Variants in GUCY2F observed in about 807,000 individuals in gnomAD.
GUCY2F encodes retinal guanylyl cyclase 2.
In GUCY2F, 61 loss-of-function variants were observed where a neutral mutation model predicts 73.1. The ratio of observed to expected loss-of-function variants is 0.83; its 90% CI spans 0.68 to 1.03. The LOEUF (loss-of-function observed/expected upper bound fraction) is 1.03. Among genes scored for constraint, GUCY2F ranks in the 50% least tolerant of loss-of-function variants. The pLI is 0.00. For synonymous variants in GUCY2F, 331 were observed against 307.8 expected, an observed-to-expected ratio of 1.08 and a Z score of -0.79; for missense variants, 912 against 854.3, an observed-to-expected ratio of 1.07 and a Z score of -0.84.
In GUCY2F at chrX:109,453,604, G is replaced by A; in HGVS notation, c.1288C>T (p.Leu430=). 1 of 1,206,848 alleles carries A rather than the reference G, an allele frequency of 8.3e-7. No homozygotes were observed. The highest frequency in any genetic ancestry group is 1.1e-6 in the Non-Finnish European group (1 of 891,212). ...STYTVDMEME[L]LRFGGTPIHF... is the part of the protein sequence containing the mutation. ...ATAGGGGTCCCTCCGAAACGTAGCA[G>A]CTCCATTTCCATGTCCACAGTGTAG... The change falls in exon 4 of 20, where the codon CTG becomes TTG. Residue 430 remains leucine (L), a synonymous_variant. Coordinates refer to ENST00000218006, the MANE Select transcript of GUCY2F (RefSeq NM_001522.3).
chrX:109,395,552 AG>A, intron 11 of GUCY2F, 63 bp from the exon 12 acceptor site: 1 of 1,008,947 alleles, frequency 9.9e-7, no homozygotes, highest in Non-Finnish European at 1.4e-6. Flanking sequence ...GATTTGGCAA[AG>A]ATAACTGACT....
chrX:109,391,507 C>A (rs1287972470), intron 14 of GUCY2F, among the ~76,000 whole-genome samples: 5 of 111,909 alleles, frequency 4.5e-5, no homozygotes, highest in African/African-American at 1.6e-4. Context: ...AAGATGAACT[C>A]TGTAGCAGTC....
Position 109,398,589 on chromosome X carries a change from G to C in GUCY2F, c.2235C>G (p.Val745=). ...SFAIIMQEVM[V]RGTPFCMMDL... ...CCATCATGCAGAATGGGGTACCCCGGACCATCACTTCTTGCATGATGATGG... is the reference window on the plus strand; with the variant it reads ...CCATCATGCAGAATGGGGTACCCCGCACCATCACTTCTTGCATGATGATGG... Residue 745 remains valine (V), a synonymous_variant, in exon 11 of 20, where the codon GTC becomes GTG. Transcript: ENST00000218006. 5 of 1,209,087 alleles carry C rather than the reference G, an allele frequency of 4.1e-6. No individual in the cohort carries two copies.
intron 7 of GUCY2F, among the ~76,000 whole-genome samples, chrX:109,433,257 G>A (rs756667197): frequency 4.5e-5 from 5 of 112,015 alleles, no homozygotes; most frequent in Admixed American, 1.9e-4. Context: ...TAAGTGCCAC[G>A]AGCAGCTAAG....
chrX:109,427,536 A>G (rs934996829), intron 8 of GUCY2F, among the ~76,000 whole-genome samples: 2 of 111,991 alleles, frequency 1.8e-5, no homozygotes, highest in African/African-American at 6.5e-5. Flanking sequence ...GCTCCTTTCT[A>G]TATCTGGCTC....
Position 109,414,224 on chromosome X carries a change from G to A in GUCY2F, c.1792-5056C>T, listed in dbSNP as rs773232296. 5.4e-5 allele frequency among the ~76,000 whole-genome samples: 6 copies of A among 111,667 alleles called. No individual in the cohort carries two copies. The South Asian group carries it at 2.3e-3, about 43-fold the overall frequency. On this transcript the variant is annotated intron_variant, in intron 8 of 19. Transcript: ENST00000218006. Reference sequence around the variant, plus strand: ...TGACCTCAGGTGAGCCGCCCACCTCGGCCTCCCAAAGTGCTGGGATTACAG... The same window carrying A: ...TGACCTCAGGTGAGCCGCCCACCTCAGCCTCCCAAAGTGCTGGGATTACAG...
intron 17 of GUCY2F, among the ~76,000 whole-genome samples, chrX:109,376,695 A>T (rs1930188665): frequency 8.9e-6 from 1 of 111,795 alleles, no homozygotes; most frequent in Non-Finnish European, 1.9e-5. Flanking sequence ...GTAAGACTCC[A>T]GGTTGGCCTC....
chrX:109,457,440 C>T (rs1295667727), intron 3 of GUCY2F, among the ~76,000 whole-genome samples: 2 of 111,912 alleles, frequency 1.8e-5, no homozygotes, highest in Non-Finnish European at 3.8e-5. Flanking sequence ...AAAAGTCAGG[C>T]ACATGCACAG....
In GUCY2F at chrX:109,391,976, C is replaced by T. The variant is rs763367582; in HGVS notation, c.2716G>A (p.Val906Met). The T allele has an allele frequency of 5.8e-6, 7 of 1,206,506 alleles. No homozygotes were observed. The highest frequency in any genetic ancestry group is 1.8e-5 in the South Asian group (1 of 56,721). Residue 906 changes from valine to methionine, a missense_variant, in exon 14 of 20, where the codon GTG becomes ATG. Coordinates refer to ENST00000218006, the MANE Select transcript of GUCY2F (RefSeq NM_001522.3). ...GTGTACAGGTCATTCAGAAGATCCA[C>T]GACCTCAATGGGCTCACTCATGGCT... ...ISAMSEPIEV[V>M]DLLNDLYTLF...
intron 6 of GUCY2F, among the ~76,000 whole-genome samples, chrX:109,444,538 C>G (rs1931953846): frequency 9.0e-6 from 1 of 111,660 alleles, no homozygotes; most frequent in South Asian, 3.7e-4. Context: ...TTTACTGTGG[C>G]CACATATACT....
intron 1 of GUCY2F, among the ~76,000 whole-genome samples, chrX:109,479,318 G>A (rs1029179925): frequency 1.8e-5 from 2 of 112,232 alleles, no homozygotes; most frequent in Non-Finnish European, 3.8e-5. Context: ...AAATAAATTA[G>A]AATACTAAGT....
At chrX:109,415,481 G>GAA (rs1430847013) in intron 8 of GUCY2F, among the ~76,000 whole-genome samples, 1 of 112,312 alleles carries the variant, frequency 8.9e-6, no homozygotes, top group African/African-American at 3.2e-5. Context: ...AAGTCTCACT[G>GAA]AAGAAATAGG....
intron 4 of GUCY2F, 34 bp from the exon 5 acceptor site, chrX:109,452,141 T>C (rs369915628): frequency 1.3e-6 from 1 of 762,111 alleles, no homozygotes; most frequent in Non-Finnish European, 2.1e-6. Context: ...AAGAATGGCA[T>C]TATCAGAGAG....
At chrX:109,379,652 C>G (rs1930256384) in intron 17 of GUCY2F, among the ~76,000 whole-genome samples, 1 of 112,324 alleles carries the variant, frequency 8.9e-6, no homozygotes, top group Non-Finnish European at 1.9e-5. Context: ...GCTGATAAGC[C>G]TAGATATATA....
Position 109,439,159 on chromosome X carries a change from G to C in GUCY2F, c.1701+2192C>G, listed in dbSNP as rs755453445. Among the ~76,000 whole-genome samples, 5 of 111,895 alleles carry C rather than the reference G, an allele frequency of 4.5e-5. No individual in the cohort carries two copies. In the South Asian group the frequency reaches 1.9e-3, roughly 43 times the overall value. On this transcript the variant is annotated intron_variant, in intron 7 of 19. Transcript: ENST00000218006. Reference sequence around the variant, plus strand: ...GGACCAGCTGAGTCACAACTGGGAAGGCCAAAGAGCCCTGCACTGAAATAT... The same window carrying C: ...GGACCAGCTGAGTCACAACTGGGAACGCCAAAGAGCCCTGCACTGAAATAT...
intron 1 of GUCY2F, among the ~76,000 whole-genome samples, chrX:109,476,759 TA>T (rs1315011207): frequency 9.4e-6 from 1 of 106,488 alleles, no homozygotes; most frequent in Non-Finnish European, 1.9e-5. Context: ...GATAGATAGA[TA>T]GATAGATAGA....
At chrX:109,398,505 G>A (rs375479129) in intron 11 of GUCY2F, 44 bp downstream of exon 11, 20 of 1,145,595 alleles carry the variant, frequency 1.7e-5, no homozygotes, top group East Asian at 6.0e-5. Context: ...TGATGATCTC[G>A]GTCATGGTGG....
At chrX:109,446,768 C>G (rs569561690) in intron 6 of GUCY2F, among the ~76,000 whole-genome samples, 3 of 111,736 alleles carry the variant, frequency 2.7e-5, no homozygotes, top group African/African-American at 6.5e-5. Context: ...AGCCAAAATA[C>G]ACAAATGGGA....
rs1024258379 is a variant in GUCY2F at position 109,436,975 on chromosome X, A to G, written c.1701+4376T>C. On this transcript the variant is annotated intron_variant, in intron 7 of 19. Coordinates refer to ENST00000218006, the MANE Select transcript of GUCY2F (RefSeq NM_001522.3). ...AAAAAAGAAGAAAAAAAAGAAAATA[A>G]ACAATAATGAAATAACAGCAAAAAA... is the stretch of plus-strand genomic sequence containing the variant. 4.6e-5 allele frequency among the ~76,000 whole-genome samples: 5 copies of G among 109,073 alleles called. No homozygotes were observed. The Admixed American group carries it at 4.8e-4, about 11-fold the overall frequency. 94.7% of individuals were successfully genotyped at this position (109,073 alleles called of 115,157 possible).
Sources: gnomAD v4.1 joint callset for allele counts (sites outside exome capture counted in the v4.1 genomes callset) on GRCh38, gnomAD v4.1.1 for gene constraint, MANE v1.5 for transcripts, NCBI Gene and HGNC (gene_info 2026-07-23, HGNC 2026-07-21) for gene names.